Variants in CFAP54 observed in about 807,000 individuals in gnomAD.
The protein encoded by CFAP54 is cilia- and flagella-associated protein 54.
In CFAP54, 290 loss-of-function variants were observed where a neutral mutation model predicts 370.4. That is an observed-to-expected ratio of 0.78 (90% CI 0.71 to 0.86). The LOEUF is 0.86. Ranked by LOEUF, CFAP54 falls within the 40% of genes least tolerant of loss-of-function variation. The pLI, the probability that CFAP54 is intolerant of heterozygous loss-of-function variation, is 0.00. For synonymous variants in CFAP54, 1,206 were observed against 1,236.5 expected, an observed-to-expected ratio of 0.98 and a Z score of 0.52; for missense variants, 3,399 against 3,528.7, an observed-to-expected ratio of 0.96 and a Z score of 0.93.
At chr12:96,521,604 G>A (rs7973145) in intron 6 of CFAP54, among the ~76,000 whole-genome samples, 2,559 of 151,808 alleles carry the variant, frequency 0.017, 77 homozygotes, top group African/African-American at 0.058. Context: ...TAATCTGTAT[G>A]GAGCTACTGT....
At chr12:96,665,351 T>C (rs1270952100) in intron 39 of CFAP54, among the ~76,000 whole-genome samples, 1 of 152,190 alleles carries the variant, frequency 6.6e-6, no homozygotes, top group Admixed American at 6.5e-5. Context: ...ATTTTTGCTT[T>C]TGTTGCAATT....
chr12:96,508,410 C>G (rs570064278), intron 4 of CFAP54, among the ~76,000 whole-genome samples: 2 of 151,630 alleles, frequency 1.3e-5, no homozygotes, highest in South Asian at 4.2e-4. Flanking sequence ...CTCAGCCTCC[C>G]GAGTAGCTGG....
intron 19 of CFAP54, among the ~76,000 whole-genome samples, chr12:96,576,190 C>T (rs1179062357): frequency 6.6e-6 from 1 of 151,926 alleles, no homozygotes; most frequent in African/African-American, 2.4e-5. Flanking sequence ...ATTTGAGAGT[C>T]ACACTTCAGC....
At chr12:96,771,379 GC>G (rs1284765740) in intron 60 of CFAP54, among the ~76,000 whole-genome samples, 2 of 152,216 alleles carry the variant, frequency 1.3e-5, no homozygotes, top group African/African-American at 2.4e-5. Flanking sequence ...AGTCCCGGAA[GC>G]AGTGGCTCAC....
chr12:96,572,143 A>G (rs1433444997), intron 19 of CFAP54, among the ~76,000 whole-genome samples: 7 of 152,192 alleles, frequency 4.6e-5, no homozygotes, highest in African/African-American at 1.7e-4. Context: ...TTCCAAACAC[A>G]TTGACTGAAC....
rs1958079327 is a variant in CFAP54, at chr12:96,743,761, T to C, written c.7408T>C (p.Phe2470Leu). 3 of 1,610,428 alleles carry C rather than the reference T, an allele frequency of 1.9e-6. No homozygotes were observed. The highest frequency in any genetic ancestry group is 2.5e-6 in the Non-Finnish European group (3 of 1,179,024). The change falls in exon 54 of 68, where the codon TTT (phenylalanine) becomes CTT (leucine). Residue 2470 changes from phenylalanine to leucine, a missense_variant. Transcript: ENST00000524981. ...AATACATTTGCTGGAAGGAAATGAATTTATTTCTCCTCAATCACGGCTAAC... is the reference window on the plus strand; with the variant it reads ...AATACATTTGCTGGAAGGAAATGAACTTATTTCTCCTCAATCACGGCTAAC... ...DIIHLLEGNE[F>L]ISPQSRLTLA...
At chr12:96,729,973 AT>A (rs1217411823) in intron 50 of CFAP54, among the ~76,000 whole-genome samples, 14 of 152,142 alleles carry the variant, frequency 9.2e-5, no homozygotes, top group African/African-American at 3.4e-4. Flanking sequence ...CAGAGAGCAA[AT>A]GTGATGTTCT....
In CFAP54 at chr12:96,526,426, T is replaced by A. The variant is rs140028156; in HGVS notation, c.1159-820T>A. Among the ~76,000 whole-genome samples, 422 of 152,318 alleles carry A rather than the reference T, an allele frequency of 2.8e-3. 3 individuals carry two copies. Among genetic ancestry groups the A allele is most frequent in the African/African-American group, 9.5e-3 (397 of 41,578 alleles). On this transcript the variant is annotated intron_variant, in intron 8 of 67. Transcript: ENST00000524981. ...GTTAATTACCACAAACCTTGTTATT[T>A]ATACTACTAAATACTGTTTCAAATT...
chr12:96,826,173 C>T (rs915793353), intron 65 of CFAP54, among the ~76,000 whole-genome samples: 1 of 145,668 alleles, frequency 6.9e-6, no homozygotes, highest in African/African-American at 2.5e-5. Context: ...CACCTGAACT[C>T]AAAGCCCCAA....
chr12:96,537,333 G>A (rs1592838689), intron 12 of CFAP54, among the ~76,000 whole-genome samples: 1 of 151,874 alleles, frequency 6.6e-6, no homozygotes, highest in East Asian at 1.9e-4. Flanking sequence ...ATCTCCCCCT[G>A]CTCCAATTCC....
At chr12:96,664,685 T>G (rs1957039286) in intron 39 of CFAP54, among the ~76,000 whole-genome samples, 2 of 112,110 alleles carry the variant, frequency 1.8e-5, no homozygotes, top group African/African-American at 7.1e-5. Flanking sequence ...TTATATTCCT[T>G]TGGGTATATA....
intron 59 of CFAP54, 91 bp downstream of exon 59, chr12:96,764,340 G>A: frequency 1.0e-6 from 1 of 967,984 alleles, no homozygotes; most frequent in Non-Finnish European, 1.5e-6. Context: ...AAAGAGAAAG[G>A]AGTTGGGTGT....
chr12:96,859,451 G>C lies in CFAP54; in HGVS notation c.9172-1368G>C, dbSNP rs528778543. 7.0e-4 allele frequency among the ~76,000 whole-genome samples: 107 copies of C among 152,076 alleles called. 1 individual carries two copies. The highest frequency in any genetic ancestry group is 3.4e-3 in the Middle Eastern group (1 of 294). The stretch of plus-strand genomic sequence containing the variant: ...TTTTTTGAGATGGAGTTTCACCCGG[G>C]CTGGAGAGCAATGGCATGATCTTGG... On this transcript the variant is annotated intron_variant, in intron 66 of 67. Transcript: ENST00000524981.
intron 26 of CFAP54, among the ~76,000 whole-genome samples, chr12:96,600,202 C>T (rs1027873606): frequency 2.0e-5 from 3 of 152,180 alleles, no homozygotes; most frequent in African/African-American, 4.8e-5. Flanking sequence ...AATCCAGTTT[C>T]AGCTTTCTAC....
At chr12:96,548,312 A>G (rs1955661374) in intron 15 of CFAP54, among the ~76,000 whole-genome samples, 1 of 151,992 alleles carries the variant, frequency 6.6e-6, no homozygotes, top group South Asian at 2.1e-4. Flanking sequence ...CCTAAATAAT[A>G]ATGTCTTCAA....
intron 48 of CFAP54, among the ~76,000 whole-genome samples, chr12:96,712,227 G>A (rs925742206): frequency 2.0e-5 from 3 of 151,926 alleles, no homozygotes; most frequent in African/African-American, 7.3e-5. Flanking sequence ...GACTTTGGAT[G>A]TCTCTTTTGC....
At position 96,743,407 on chromosome 12, in the gene CFAP54, G is replaced by T; in HGVS notation, c.7225G>T (p.Asp2409Tyr). The T allele has an allele frequency of 6.2e-7, 1 of 1,613,596 alleles. No individual in the cohort carries two copies. Among genetic ancestry groups the T allele is most frequent in the Non-Finnish European group, 8.5e-7 (1 of 1,179,800 alleles). Residue 2409 changes from aspartate to tyrosine, a missense_variant, in exon 53 of 68, where the codon GAT (aspartate) becomes TAT (tyrosine). Asp to Tyr is a radical substitution (Grantham distance 160). This residue lies in a region of CFAP54 where 2,796 missense variants were observed against 2,869.7 expected (regional missense o/e 0.97). Coordinates refer to ENST00000524981, the MANE Select transcript of CFAP54 (RefSeq NM_001306084.2). ...ACCGCATTTGTTTATTTTAGAGGAT[G>T]ATATGACAGATTGCCTGAGCCTCAT... ...IHGIGIVKED[D>Y]MTDCLSLINE...
chr12:96,706,816 G>A (rs532135570), intron 47 of CFAP54, among the ~76,000 whole-genome samples: 33 of 152,044 alleles, frequency 2.2e-4, no homozygotes, highest in Admixed American at 3.9e-4. Flanking sequence ...GTTTGTGTGC[G>A]CACGTGTGTG....
At position 96,644,237 on chromosome 12, in the gene CFAP54, C is replaced by T. The variant is rs989746491; in HGVS notation, c.4376C>T (p.Pro1459Leu). 1 of 1,535,840 alleles carries T rather than the reference C, an allele frequency of 6.5e-7. No homozygotes were observed. The highest frequency in any genetic ancestry group is 8.7e-7 in the Non-Finnish European group (1 of 1,146,738). ...AQRYLMDYLN[P>L]LILSYVKRKR... ...CGATACCTGATGGATTACTTGAATCCTCTAATATTAAGTTATGTTAAAAGA... is the reference window on the plus strand; with the variant it reads ...CGATACCTGATGGATTACTTGAATCTTCTAATATTAAGTTATGTTAAAAGA... Residue 1459 changes from proline to leucine, a missense_variant, in exon 33 of 68, where the codon CCT becomes CTT. Pro to Leu is a moderately conservative substitution (Grantham distance 98). Transcript: ENST00000524981.
Sources: gnomAD v4.1 joint callset for allele counts (sites outside exome capture counted in the v4.1 genomes callset) on GRCh38, gnomAD v4.1.1 for gene constraint, gnomAD v4.1.1 regional missense constraint, MANE v1.5 for transcripts, NCBI Gene and HGNC (gene_info 2026-07-23, HGNC 2026-07-21) for gene names.